RTKN2: variants seen among roughly 807,000 people sequenced by gnomAD.
RTKN2 encodes rhotekin 2.
In RTKN2, 69 loss-of-function variants were observed where a neutral mutation model predicts 71.5. The observed-to-expected ratio is 0.96, with a 90% CI of 0.79 to 1.18. RTKN2 has a LOEUF of 1.18. Among genes scored for constraint, RTKN2 ranks in the 50% most tolerant of loss-of-function variants. RTKN2 has a pLI of 0.00. For missense variants in RTKN2, 724 were observed against 719.7 expected (o/e 1.01, Z -0.07); for synonymous variants, 236 against 236.5 (o/e 1.00, Z 0.02).
chr10:62,185,701 G>A (rs1841125063), intron 8 of RTKN2, among the ~76,000 whole-genome samples: 2 of 152,176 alleles, frequency 1.3e-5, no homozygotes, highest in Admixed American at 1.3e-4. Context: ...TCTTGGTTTG[G>A]TTCCTTTAGG....
chr10:62,239,684 GT>G lies in RTKN2; in HGVS notation c.451del (p.Thr151GlnfsTer10). 6.4e-7 allele frequency: 1 copy of G among 1,558,164 alleles called. No homozygotes were observed. On this transcript the variant is annotated frameshift_variant, in exon 5 of 12. Coordinates refer to ENST00000373789, the MANE Select transcript of RTKN2 (RefSeq NM_145307.4). LOFTEE classifies it high-confidence loss of function. ...FDTDVVNVDK[T>X]ITDICFENVT... ...ATTTTCAAAACATATATCTGTGATT[GT>G]TTTATCCACATTCACCACATCAGTA...
At chr10:62,205,164 A>G in intron 9 of RTKN2, 142 bp from the exon 10 acceptor site, 1 of 651,870 alleles carries the variant, frequency 1.5e-6, no homozygotes, top group Non-Finnish European at 2.5e-6. Flanking sequence ...AAAACATGTA[A>G]TTTTGAGAAT....
chr10:62,230,785 C>A (rs570719756), intron 6 of RTKN2, among the ~76,000 whole-genome samples: 253 of 152,138 alleles, frequency 1.7e-3, no homozygotes, highest in African/African-American at 5.7e-3. Context: ...CTCACTGAGC[C>A]CCAGTGTATT....
At chr10:62,265,576 G>GTTT (rs11403722) in intron 1 of RTKN2, among the ~76,000 whole-genome samples, 3 of 146,416 alleles carry the variant, frequency 2.0e-5, no homozygotes, top group Admixed American at 6.8e-5. Context: ...TGAGCTGTTG[G>GTTT]TTTTTTTTTT....
chr10:62,206,329 G>A (rs1417985000), intron 9 of RTKN2, among the ~76,000 whole-genome samples: 1 of 152,116 alleles, frequency 6.6e-6, no homozygotes, highest in African/African-American at 2.4e-5. Context: ...AGTGTGAAGA[G>A]AGGCTATACA....
chr10:62,231,958 C>A (rs1376659310), intron 6 of RTKN2, among the ~76,000 whole-genome samples: 1 of 152,106 alleles, frequency 6.6e-6, no homozygotes, highest in Admixed American at 6.5e-5. Context: ...AGAGTAGTCC[C>A]GGGCTATGAG....
intron 1 of RTKN2, among the ~76,000 whole-genome samples, chr10:62,263,228 G>C (rs560952109): frequency 6.6e-6 from 1 of 152,144 alleles, no homozygotes; most frequent in Admixed American, 6.5e-5. Context: ...AATGACTAGT[G>C]TCCTTAAAGA....
intron 2 of RTKN2, among the ~76,000 whole-genome samples, chr10:62,255,077 T>C (rs942599037): frequency 1.3e-5 from 2 of 152,322 alleles, no homozygotes; most frequent in African/African-American, 4.8e-5. Flanking sequence ...ACTGTATAAT[T>C]CTTTCAACTT....
intron 6 of RTKN2, among the ~76,000 whole-genome samples, chr10:62,232,163 A>G (rs1425042872): frequency 6.6e-6 from 1 of 152,210 alleles, no homozygotes; most frequent in Non-Finnish European, 1.5e-5. Flanking sequence ...CTCAGAATAA[A>G]CCAAATAGAA....
intron 8 of RTKN2, among the ~76,000 whole-genome samples, chr10:62,217,626 A>C (rs1333247966): frequency 6.6e-6 from 1 of 152,220 alleles, no homozygotes; most frequent in Non-Finnish European, 1.5e-5. Context: ...TATGTTCAAA[A>C]TATTATTTTC....
intron 7 of RTKN2, among the ~76,000 whole-genome samples, chr10:62,219,572 T>C (rs927561133): frequency 1.3e-5 from 2 of 152,092 alleles, no homozygotes; most frequent in Non-Finnish European, 2.9e-5. Context: ...GTCCTGATAG[T>C]AGGAAATATG....
intron 10 of RTKN2, 136 bp from the exon 11 acceptor site, chr10:62,199,997 G>C: frequency 1.8e-6 from 1 of 564,210 alleles, no homozygotes; most frequent in Non-Finnish European, 3.1e-6. Context: ...TGCGTTAAGG[G>C]AGGCTTGCAG....
chr10:62,251,893 A>G (rs1842588511), intron 2 of RTKN2, among the ~76,000 whole-genome samples: 1 of 152,038 alleles, frequency 6.6e-6, no homozygotes, highest in Non-Finnish European at 1.5e-5. Flanking sequence ...TATAGAAGCA[A>G]AAGTACACAA....
intron 2 of RTKN2, among the ~76,000 whole-genome samples, chr10:62,248,725 G>A (rs1176519359): frequency 6.6e-6 from 1 of 152,144 alleles, no homozygotes; most frequent in African/African-American, 2.4e-5. Flanking sequence ...GTGCCAATCT[G>A]CCACATTGTT....
At position 62,257,835 on chromosome 10, in the gene RTKN2, G is replaced by C. The variant is rs180768601; in HGVS notation, c.257+4790C>G. On this transcript the variant is annotated intron_variant, in intron 2 of 11. Transcript: ENST00000373789. Reference sequence around the variant, plus strand: ...TAACAGACTGCTATAACCAAGCCACGATACCTCTAAATTGAGGCAGTAAGC... The same window carrying C: ...TAACAGACTGCTATAACCAAGCCACCATACCTCTAAATTGAGGCAGTAAGC... 3.9e-5 allele frequency among the ~76,000 whole-genome samples: 6 copies of C among 152,208 alleles called. No homozygotes were observed. The East Asian group carries it at 1.2e-3, about 29-fold the overall frequency.
At chr10:62,258,422 G>A (rs917628427) in intron 2 of RTKN2, among the ~76,000 whole-genome samples, 1 of 152,096 alleles carries the variant, frequency 6.6e-6, no homozygotes, top group African/African-American at 2.4e-5. Flanking sequence ...TATTAGAAAA[G>A]CCCTAAAGAA....
At chr10:62,256,978 A>G (rs1422566739) in intron 2 of RTKN2, among the ~76,000 whole-genome samples, 1 of 152,198 alleles carries the variant, frequency 6.6e-6, no homozygotes, top group African/African-American at 2.4e-5. Context: ...AGTAACTGGT[A>G]TATAATTAAC....
chr10:62,195,923 T>A lies in RTKN2; in HGVS notation c.*1985A>T. 1 of 985,308 alleles carries A rather than the reference T, an allele frequency of 1.0e-6. No homozygotes were observed. The allele number at this position is 985,308 out of a possible 1,614,324, so 61.0% of individuals were successfully genotyped here. ...GCACAACTGCTAGGTAATTTCTGTATGAATACTTTCTTTTTCTTATACACC... is the reference window on the plus strand; with the variant it reads ...GCACAACTGCTAGGTAATTTCTGTAAGAATACTTTCTTTTTCTTATACACC... On this transcript the variant is annotated 3_prime_UTR_variant, in exon 12 of 12. Transcript: ENST00000373789.
intron 2 of RTKN2, among the ~76,000 whole-genome samples, chr10:62,257,708 G>T (rs1236300381): frequency 3.3e-5 from 5 of 152,124 alleles, no homozygotes; most frequent in African/African-American, 1.2e-4. Flanking sequence ...GCTATTTTTT[G>T]AAAGTAGACT....
Sources: gnomAD v4.1 joint callset for allele counts (sites outside exome capture counted in the v4.1 genomes callset) on GRCh38, gnomAD v4.1.1 for gene constraint, MANE v1.5 for transcripts, NCBI Gene and HGNC (gene_info 2026-07-23, HGNC 2026-07-21) for gene names.